ACOT7: variants seen among roughly 807,000 people sequenced by gnomAD.
The protein encoded by ACOT7 is cytosolic acyl coenzyme A thioester hydrolase.
ACOT7 carries 12 observed loss-of-function variants against 40.2 expected under a neutral mutation model. That is an observed-to-expected ratio of 0.30 (90% CI 0.19 to 0.48). The LOEUF (loss-of-function observed/expected upper bound fraction) is 0.48, where lower values mean the gene tolerates loss of function less well. ACOT7 is among the 20% of genes least tolerant of loss of function. The pLI is 0.99. For synonymous variants in ACOT7, 228 were observed against 219.5 expected, an observed-to-expected ratio of 1.04 and a Z score of -0.34; for missense variants, 395 against 530.8, an observed-to-expected ratio of 0.74 and a Z score of 2.51.
chr1:6,325,016 G>A (rs1033317327), intron 5 of ACOT7, among the ~76,000 whole-genome samples: 1 of 152,214 alleles, frequency 6.6e-6, no homozygotes, highest in Admixed American at 6.5e-5. Context: ...CCAAAAGCAC[G>A]GCCTGGGCAC....
chr1:6,389,526 G>C (rs1441577697), intron 1 of ACOT7, among the ~76,000 whole-genome samples: 1 of 152,016 alleles, frequency 6.6e-6, no homozygotes, highest in African/African-American at 2.4e-5. Flanking sequence ...CCAGCCACAG[G>C]TGGCTACCCA....
chr1:6,367,352 G>T (rs1175466979), intron 1 of ACOT7, among the ~76,000 whole-genome samples: 1 of 152,178 alleles, frequency 6.6e-6, no homozygotes, highest in African/African-American at 2.4e-5. Flanking sequence ...CTTTGCCTAA[G>T]TTTTGCTGGG....
chr1:6,298,886 C>G (rs954084000), intron 6 of ACOT7, among the ~76,000 whole-genome samples: 8 of 152,206 alleles, frequency 5.3e-5, no homozygotes, highest in Admixed American at 4.6e-4. Flanking sequence ...GTGTCAATAT[C>G]GAGGGCTTCC....
chr1:6,365,694 G>A (rs1479860381), intron 1 of ACOT7, among the ~76,000 whole-genome samples: 1 of 151,296 alleles, frequency 6.6e-6, no homozygotes, highest in African/African-American at 2.4e-5. Flanking sequence ...CGTAAACCCG[G>A]GAGGCGGAGC....
chr1:6,281,303 G>A lies in ACOT7; in HGVS notation c.830-17C>T. ...TGACGCAGCCTGTGGAGAAGGGAGG[G>A]CGGGGGTCAGGGCGGCCTCCACCCC... On this transcript the variant is annotated splice_polypyrimidine_tract_variant and intron_variant, in intron 7 of 8. Transcript: ENST00000361521. 6.3e-7 allele frequency: 1 copy of A among 1,595,278 alleles called. No homozygotes were observed. The highest frequency in any genetic ancestry group is 8.5e-7 in the Non-Finnish European group (1 of 1,176,680).
intron 6 of ACOT7, among the ~76,000 whole-genome samples, chr1:6,307,336 A>T (rs980883064): frequency 1.3e-5 from 2 of 152,178 alleles, no homozygotes; most frequent in African/African-American, 4.8e-5. Flanking sequence ...CCCACGCAGG[A>T]CCTTCATTTT....
intron 8 of ACOT7, among the ~76,000 whole-genome samples, chr1:6,276,170 C>T (rs1459072944): frequency 6.6e-6 from 1 of 152,182 alleles, no homozygotes; most frequent in Non-Finnish European, 1.5e-5. Flanking sequence ...GTAGAGGCTA[C>T]AATGCCCACG....
In ACOT7 at chr1:6,275,538, G is replaced by A. The variant is rs1033183003; in HGVS notation, c.1014+5564C>T. On this transcript the variant is annotated intron_variant, in intron 8 of 8. Transcript: ENST00000361521. This position sits in a 1 kb window ranked among gnomAD's most constrained non-coding sequence, Gnocchi z 5.6. ...ACGAGACCAGCCTGGCCAACATGGTGAAACCCCATTTCTACTAAAAATACA... is the reference window on the plus strand; with the variant it reads ...ACGAGACCAGCCTGGCCAACATGGTAAAACCCCATTTCTACTAAAAATACA... Among the ~76,000 whole-genome samples the A allele has an allele frequency of 3.9e-5, 6 of 152,052 alleles. No individual in the cohort carries two copies. The highest frequency in any genetic ancestry group is 1.4e-4 in the African/African-American group (6 of 41,398).
intron 8 of ACOT7, among the ~76,000 whole-genome samples, chr1:6,272,443 T>C (rs1639064170): frequency 6.6e-6 from 1 of 152,070 alleles, no homozygotes; most frequent in Non-Finnish European, 1.5e-5. Flanking sequence ...AAAGATGAGA[T>C]GAGAGTGTCC....
chr1:6,323,736 AAATATATATATATAT>A (rs1476950618), intron 5 of ACOT7, among the ~76,000 whole-genome samples: 15 of 65,576 alleles, frequency 2.3e-4, no homozygotes, highest in South Asian at 4.9e-4. Flanking sequence ...AAAAAAAAAA[AAATATATATATATAT>A]ATATATATAT....
intron 3 of ACOT7, among the ~76,000 whole-genome samples, chr1:6,335,012 C>T (rs1641059982): frequency 6.6e-6 from 1 of 151,788 alleles, no homozygotes; most frequent in Non-Finnish European, 1.5e-5. Flanking sequence ...ATGGCGAAAC[C>T]CCGTCTCTAC....
intron 6 of ACOT7, among the ~76,000 whole-genome samples, chr1:6,298,578 G>A (rs1376573405): frequency 6.6e-6 from 1 of 152,178 alleles, no homozygotes; most frequent in Non-Finnish European, 1.5e-5. Flanking sequence ...CCTAGGCAGC[G>A]GATTTTCTCC....
At chr1:6,334,184 C>T (rs1641037347) in intron 3 of ACOT7, among the ~76,000 whole-genome samples, 1 of 152,230 alleles carries the variant, frequency 6.6e-6, no homozygotes, top group Non-Finnish European at 1.5e-5. Flanking sequence ...CGAGGCTGAG[C>T]CCGCTTCACC....
chr1:6,289,301 T>C lies in ACOT7; in HGVS notation c.829+5563A>G, dbSNP rs1038041940. Among the ~76,000 whole-genome samples the C allele has an allele frequency of 2.6e-5, 4 of 152,162 alleles. No individual in the cohort carries two copies. Among genetic ancestry groups the C allele is most frequent in the African/African-American group, 4.8e-5 (2 of 41,440 alleles). ...TTTTAGTAGAGACGGGGTTTCACCA[T>C]GTTGGCCAGGCTGGTCTCGAACTCC... On this transcript the variant is annotated intron_variant, in intron 7 of 8. Coordinates refer to ENST00000361521, the MANE Select transcript of ACOT7 (RefSeq NM_007274.4). This position sits in a 1 kb window ranked among gnomAD's most constrained non-coding sequence, Gnocchi z 4.6.
chr1:6,360,600 TC>T, intron 1 of ACOT7: 1 of 1,614,230 alleles, frequency 6.2e-7, no homozygotes, highest in Non-Finnish European at 8.5e-7. Flanking sequence ...ACAGGCCCTG[TC>T]GACTTCCTTT....
chr1:6,308,817 A>AAGCGACTGGGCGGAGGGAAC (rs1389025547), intron 6 of ACOT7, among the ~76,000 whole-genome samples: 13 of 152,134 alleles, frequency 8.5e-5, no homozygotes, highest in Admixed American at 1.3e-4. Context: ...GCGGAGGGAA[A>AAGCGACTGGGCGGAGGGAAC]AGCGACTGGG....
At chr1:6,310,303 G>T (rs540980289) in intron 6 of ACOT7, among the ~76,000 whole-genome samples, 11 of 152,216 alleles carry the variant, frequency 7.2e-5, no homozygotes, top group Admixed American at 7.2e-4. Context: ...AAGAGGAGGA[G>T]GCAGAGCCTC....
chr1:6,368,390 C>T (rs1481531433), intron 1 of ACOT7, among the ~76,000 whole-genome samples: 1 of 152,168 alleles, frequency 6.6e-6, no homozygotes, highest in Non-Finnish European at 1.5e-5. Context: ...GAATGCCGCT[C>T]CCACTTCCCG....
At chr1:6,336,812 C>T (rs1158067057) in intron 3 of ACOT7, among the ~76,000 whole-genome samples, 1 of 152,096 alleles carries the variant, frequency 6.6e-6, no homozygotes, top group Admixed American at 6.6e-5. Context: ...AGAGAAGGGC[C>T]TCAAGAGAAC....
Sources: gnomAD v4.1 joint callset for allele counts (sites outside exome capture counted in the v4.1 genomes callset) on GRCh38, gnomAD v4.1.1 for gene constraint, Gnocchi (gnomAD v3.1) non-coding constraint, MANE v1.5 for transcripts, NCBI Gene and HGNC (gene_info 2026-07-23, HGNC 2026-07-21) for gene names.